The following NPAS3 variants were observed in gnomAD, a reference collection of about 807,000 sequenced individuals.
NPAS3 encodes the protein neuronal PAS domain-containing protein 3.
A neutral mutation model predicts 73.1 loss-of-function variants in NPAS3; 14 were observed. That is an observed-to-expected ratio of 0.19 (90% CI 0.13 to 0.30). The LOEUF is 0.30. Ranked by LOEUF, NPAS3 falls within the 10% of genes least tolerant of loss-of-function variation. The probability of loss-of-function intolerance (pLI) is 1.00; values close to 1 mark genes in which losing one functional copy is unlikely to be tolerated. For missense variants in NPAS3, 1,096 were observed against 1,250.0 expected, an observed-to-expected ratio of 0.88 and a Z score of 1.86; for synonymous variants, 620 against 541.5, an observed-to-expected ratio of 1.14 and a Z score of -2.01.
chr14:33,008,768 A>C (rs1280733119), intron 1 of NPAS3, among the ~76,000 whole-genome samples: 1 of 152,212 alleles, frequency 6.6e-6, no homozygotes, highest in Non-Finnish European at 1.5e-5. Context: ...GGATGTACAG[A>C]AAATCTTTGA....
chr14:33,192,138 A>G (rs540420586), intron 2 of NPAS3, among the ~76,000 whole-genome samples: 22 of 152,200 alleles, frequency 1.4e-4, no homozygotes, highest in Non-Finnish European at 2.2e-4. Context: ...TGAAGTGACT[A>G]GGAGACCTTA....
intron 4 of NPAS3, among the ~76,000 whole-genome samples, chr14:33,390,703 T>C (rs1182104090): frequency 1.3e-5 from 2 of 152,208 alleles, no homozygotes; most frequent in African/African-American, 4.8e-5. Flanking sequence ...TAGGATTTTG[T>C]GGATGCTCTT....
intron 5 of NPAS3, among the ~76,000 whole-genome samples, chr14:33,629,298 T>G (rs534636753): frequency 5.9e-5 from 9 of 151,414 alleles, no homozygotes; most frequent in Non-Finnish European, 1.3e-4. Context: ...CCCCTTTGAG[T>G]CTATCAGTGA....
chr14:33,601,359 A>G (rs1443873092), intron 5 of NPAS3, among the ~76,000 whole-genome samples: 2 of 152,230 alleles, frequency 1.3e-5, no homozygotes, highest in African/African-American at 4.8e-5. Flanking sequence ...GATGAATGCA[A>G]TTCTGAACAC....
chr14:33,167,182 T>C (rs1208966941), intron 2 of NPAS3, among the ~76,000 whole-genome samples: 1 of 152,198 alleles, frequency 6.6e-6, no homozygotes, highest in Non-Finnish European at 1.5e-5. Context: ...CTTTGTTTAT[T>C]AGCAACAAAA....
At chr14:33,566,801 A>G (rs12432766) in intron 5 of NPAS3, among the ~76,000 whole-genome samples, 28,085 of 152,162 alleles carry the variant, frequency 0.18, 3,084 homozygotes, top group South Asian at 0.38. Context: ...ACATGTCAGT[A>G]TCTAACAATA....
intron 3 of NPAS3, among the ~76,000 whole-genome samples, chr14:33,247,165 T>A (rs574754547): frequency 9.4e-4 from 93 of 99,042 alleles, no homozygotes; most frequent in African/African-American, 2.4e-3. Context: ...GTACATTCTA[T>A]CTTAGAATAT....
At chr14:33,398,670 A>G (rs1410763122) in intron 4 of NPAS3, among the ~76,000 whole-genome samples, 1 of 152,114 alleles carries the variant, frequency 6.6e-6, no homozygotes, top group Non-Finnish European at 1.5e-5. Flanking sequence ...ACATAAGTCT[A>G]AAAGAGTAAA....
chr14:33,532,845 C>T (rs903819575), intron 4 of NPAS3, among the ~76,000 whole-genome samples: 14 of 152,194 alleles, frequency 9.2e-5, no homozygotes, highest in African/African-American at 3.4e-4. Flanking sequence ...TAGCCTTTCC[C>T]TGTCTAAGTT....
At chr14:33,272,607 G>T (rs1189147440) in intron 3 of NPAS3, among the ~76,000 whole-genome samples, 1 of 151,956 alleles carries the variant, frequency 6.6e-6, no homozygotes, top group Non-Finnish European at 1.5e-5. Context: ...AATAGAGATG[G>T]GGTTTCACCA....
chr14:33,700,929 C>T (rs1450620554), intron 6 of NPAS3, among the ~76,000 whole-genome samples: 1 of 152,168 alleles, frequency 6.6e-6, no homozygotes, highest in Non-Finnish European at 1.5e-5. Context: ...GATAAAGCAC[C>T]ATGTAGGTTC....
At chr14:33,064,430 G>A (rs558710137) in intron 2 of NPAS3, among the ~76,000 whole-genome samples, 3 of 152,080 alleles carry the variant, frequency 2.0e-5, no homozygotes, top group Non-Finnish European at 4.4e-5. Context: ...TTGATTTAGG[G>A]AATTCCCTGT....
At chr14:33,544,850 ATG>A (rs1794349578) in intron 4 of NPAS3, among the ~76,000 whole-genome samples, 1 of 133,586 alleles carries the variant, frequency 7.5e-6, no homozygotes, top group Admixed American at 7.9e-5. Context: ...TATTATATAT[ATG>A]TGTATATATA....
At chr14:33,214,957 C>T in intron 2 of NPAS3, 1 of 543,824 alleles carries the variant, frequency 1.8e-6, no homozygotes, top group Non-Finnish European at 3.2e-6. Context: ...ACAAGTAAAA[C>T]ACAATTTTTA....
At chr14:33,542,298 C>T (rs2054557973) in intron 4 of NPAS3, among the ~76,000 whole-genome samples, 1 of 152,170 alleles carries the variant, frequency 6.6e-6, no homozygotes. Flanking sequence ...CAGGAGGCAA[C>T]ACAGTTTTCC....
At chr14:33,208,691 A>G (rs1422758474) in intron 2 of NPAS3, among the ~76,000 whole-genome samples, 1 of 152,216 alleles carries the variant, frequency 6.6e-6, no homozygotes, top group Admixed American at 6.5e-5. Flanking sequence ...AATGAGAAAA[A>G]TAAAGCAAGA....
intron 3 of NPAS3, among the ~76,000 whole-genome samples, chr14:33,229,548 C>T (rs922233844): frequency 7.2e-5 from 11 of 152,078 alleles, no homozygotes; most frequent in African/African-American, 2.2e-4. Flanking sequence ...CTAGACGGTG[C>T]GAAAGAGCAT....
intron 4 of NPAS3, among the ~76,000 whole-genome samples, chr14:33,421,267 G>C (rs2048348470): frequency 6.6e-6 from 1 of 151,782 alleles, no homozygotes. Context: ...TCCCAGTATA[G>C]GACCATCCCA....
chr14:33,568,101 A>C (rs922801931), intron 5 of NPAS3, among the ~76,000 whole-genome samples: 4 of 152,210 alleles, frequency 2.6e-5, no homozygotes, highest in African/African-American at 9.6e-5. Flanking sequence ...TTCATTTTAT[A>C]GTTGAAGAGA....
Sources: allele counts gnomAD v4.1 joint callset (sites outside exome capture counted in the v4.1 genomes callset), GRCh38; gene constraint gnomAD v4.1.1; transcripts MANE v1.5; gene names NCBI Gene and HGNC (gene_info 2026-07-23, HGNC 2026-07-21).